TPSD1: variants seen among roughly 807,000 people sequenced by gnomAD.
TPSD1 encodes the protein tryptase delta.
A neutral mutation model predicts 25.4 loss-of-function variants in TPSD1; 30 were observed. The observed-to-expected ratio is 1.18, with a 90% CI of 0.88 to 1.60. The LOEUF is 1.60. Among genes scored for constraint, TPSD1 ranks in the 40% most tolerant of loss-of-function variants. The pLI is 0.00. For synonymous variants in TPSD1, 176 were observed against 149.4 expected (o/e 1.18, Z -1.30); for missense variants, 420 against 324.2 (o/e 1.30, Z -2.27).
In TPSD1 at chr16:1,258,969, C is replaced by G. The variant is rs1321869812; in HGVS notation, c.*593C>G. On this transcript the variant is annotated 3_prime_UTR_variant, in exon 5 of 5. Transcript: ENST00000211076. Reference sequence around the variant, plus strand: ...GCAGCTGGTGGTGGACGCCCATCCTCTCTAGTGCTGACTCTCATTAAAGTG... The same window carrying G: ...GCAGCTGGTGGTGGACGCCCATCCTGTCTAGTGCTGACTCTCATTAAAGTG... 6.8e-6 allele frequency: 1 copy of G among 147,918 alleles called. No homozygotes were observed. Among genetic ancestry groups the G allele is most frequent in the Non-Finnish European group, 1.5e-5 (1 of 67,286 alleles). The allele number at this position is 147,918 out of a possible 1,614,324, so 9.2% of individuals were successfully genotyped here.
chr16:1,256,083 G>C lies in TPSD1; in HGVS notation c.-198G>C. On this transcript the variant is annotated 5_prime_UTR_variant, in exon 1 of 5. Transcript: ENST00000211076. ...GCCCGCTGGGTAGAAGGAACAGGGA[G>C]TGGCCAGGGTAAGTCCCTACTCTCA... The C allele has an allele frequency of 2.2e-6, 2 of 911,620 alleles. No individual in the cohort carries two copies. The highest frequency in any genetic ancestry group is 3.3e-6 in the Non-Finnish European group (2 of 600,880). 56.5% of individuals were successfully genotyped at this position (911,620 alleles called of 1,614,324 possible).
Sources: allele counts gnomAD v4.1 joint callset, GRCh38; gene constraint gnomAD v4.1.1; transcripts MANE v1.5; gene names NCBI Gene and HGNC (gene_info 2026-07-23, HGNC 2026-07-21).